Variants in RAP1GDS1 observed in about 807,000 individuals in gnomAD.
RAP1GDS1 encodes the protein RAP1, GTP-GDP dissociation stimulator 1.
In RAP1GDS1, 35 loss-of-function variants were observed where a neutral mutation model predicts 71.1. The observed-to-expected ratio is 0.49, with a 90% CI of 0.38 to 0.65. The LOEUF (loss-of-function observed/expected upper bound fraction) is 0.65. Ranked by LOEUF, RAP1GDS1 falls within the 30% of genes least tolerant of loss-of-function variation. The pLI, the probability that RAP1GDS1 is intolerant of heterozygous loss-of-function variation, is 0.00. For missense variants in RAP1GDS1, 663 were observed against 706.1 expected (o/e 0.94, Z 0.69); for synonymous variants, 229 against 243.1 (o/e 0.94, Z 0.54).
rs986936945 is a variant in RAP1GDS1 at position 98,442,048 on chromosome 4, C to G, written c.1755C>G (p.Arg585=). 18 of 1,614,006 alleles carry G rather than the reference C, an allele frequency of 1.1e-5. No homozygotes were observed. The highest frequency in any genetic ancestry group is 1.5e-5 in the Non-Finnish European group (18 of 1,179,994). The change falls in exon 15 of 15, where the codon CGC becomes CGG. Residue 585 remains arginine (R), a synonymous_variant. Coordinates refer to ENST00000408927, the MANE Select transcript of RAP1GDS1 (RefSeq NM_001100427.2). ...LAFLDVVSKL[R]SHENKSVAQQ... ...TTCTAGATGTCGTATCCAAACTTCG[C>G]AGTCATGAGAACAAAAGTGTTGCCC...
chr4:98,272,744 C>T (rs1337339542), intron 1 of RAP1GDS1, among the ~76,000 whole-genome samples: 1 of 152,062 alleles, frequency 6.6e-6, no homozygotes, highest in South Asian at 2.1e-4. Context: ...TTTGGAGCTT[C>T]TTGGTCCAAT....
intron 1 of RAP1GDS1, among the ~76,000 whole-genome samples, chr4:98,286,886 T>TAAAA (rs778410316): frequency 3.4e-4 from 31 of 89,946 alleles, no homozygotes; most frequent in East Asian, 6.4e-4. Flanking sequence ...AACTCCGTCT[T>TAAAA]AAAAAAAAAA....
intron 6 of RAP1GDS1, among the ~76,000 whole-genome samples, chr4:98,403,097 G>A (rs773032004): frequency 6.6e-6 from 1 of 151,996 alleles, no homozygotes; most frequent in African/African-American, 2.4e-5. Flanking sequence ...GCTTTCTCAC[G>A]ACACTGCTGG....
intron 2 of RAP1GDS1, among the ~76,000 whole-genome samples, chr4:98,335,424 G>A (rs1036986877): frequency 6.6e-5 from 10 of 152,068 alleles, no homozygotes; most frequent in South Asian, 2.1e-4. Context: ...TTATGCATGA[G>A]AACACTCTCT....
At chr4:98,357,947 A>G (rs1366341462) in intron 4 of RAP1GDS1, among the ~76,000 whole-genome samples, 1 of 151,996 alleles carries the variant, frequency 6.6e-6, no homozygotes. Context: ...ACAATAACAT[A>G]CAAAAGGTAT....
At chr4:98,306,814 A>G (rs367688135) in intron 2 of RAP1GDS1, among the ~76,000 whole-genome samples, 1 of 152,146 alleles carries the variant, frequency 6.6e-6, no homozygotes, top group African/African-American at 2.4e-5. Context: ...TTGAAAGTCC[A>G]AGTGGGTTCT....
In RAP1GDS1 at chr4:98,443,512, CAGT is replaced by C. The variant is rs1334881048; in HGVS notation, c.*1398_*1400del. On this transcript the variant is annotated 3_prime_UTR_variant, in exon 15 of 15. Transcript: ENST00000408927. ...GCTTCGATATAGAAGGACTGCAAGACAGTAGAAAGGGCTGCCACGGAGGTGACA... is the reference window on the plus strand; with the variant it reads ...GCTTCGATATAGAAGGACTGCAAGACAGAAAGGGCTGCCACGGAGGTGACA... The C allele has an allele frequency of 5.3e-5, 12 of 228,564 alleles. No homozygotes were observed. The highest frequency in any genetic ancestry group is 2.7e-4 in the African/African-American group (12 of 45,056). The allele number at this position is 228,564 out of a possible 1,614,324, so 14.2% of individuals were successfully genotyped here.
intron 6 of RAP1GDS1, among the ~76,000 whole-genome samples, chr4:98,399,196 G>T (rs908031529): frequency 6.6e-6 from 1 of 152,086 alleles, no homozygotes; most frequent in Admixed American, 6.6e-5. Context: ...CAGAACACAG[G>T]CAACGAAAGC....
At chr4:98,261,641 A>G in intron 1 of RAP1GDS1, 72 bp downstream of exon 1, 3 of 1,523,652 alleles carry the variant, frequency 2.0e-6, no homozygotes, top group South Asian at 1.2e-5. Flanking sequence ...GGTGGGAAGC[A>G]TTTCTCGCGC....
intron 3 of RAP1GDS1, among the ~76,000 whole-genome samples, chr4:98,344,151 G>A (rs553395751): frequency 1.3e-5 from 2 of 152,292 alleles, no homozygotes; most frequent in African/African-American, 4.8e-5. Context: ...TGTCATTTGT[G>A]TAGAGGTTCT....
chr4:98,380,040 A>G (rs1193917720), intron 5 of RAP1GDS1, among the ~76,000 whole-genome samples: 1 of 149,840 alleles, frequency 6.7e-6, no homozygotes, highest in Non-Finnish European at 1.5e-5. Flanking sequence ...ATTTTTTTTC[A>G]CATTTTATAG....
At chr4:98,321,555 A>G (rs1731897243) in intron 2 of RAP1GDS1, among the ~76,000 whole-genome samples, 2 of 150,936 alleles carry the variant, frequency 1.3e-5, no homozygotes, top group African/African-American at 2.4e-5. Context: ...GAAGCCCATC[A>G]GACTAACAGC....
At chr4:98,423,854 C>G (rs990783848) in intron 12 of RAP1GDS1, among the ~76,000 whole-genome samples, 53 of 152,022 alleles carry the variant, frequency 3.5e-4, no homozygotes, top group Non-Finnish European at 2.4e-4. Context: ...ATTTAGTTTT[C>G]ATTTAGAAAG....
intron 2 of RAP1GDS1, among the ~76,000 whole-genome samples, chr4:98,313,813 C>T (rs892595457): frequency 1.3e-5 from 2 of 152,116 alleles, no homozygotes; most frequent in African/African-American, 4.8e-5. Context: ...TGCCACTGCA[C>T]TCCATCCTGA....
intron 7 of RAP1GDS1, chr4:98,409,531 T>G (rs1189813197): frequency 6.1e-6 from 1 of 164,234 alleles, no homozygotes; most frequent in Non-Finnish European, 1.3e-5. Context: ...AGGGCAAGAT[T>G]GTTGCCAAAA....
At chr4:98,409,792 G>T in intron 7 of RAP1GDS1, 1 of 377,946 alleles carries the variant, frequency 2.6e-6, no homozygotes, top group South Asian at 2.3e-5. Flanking sequence ...AAGGCTTCTA[G>T]ACTATTAAAA....
At chr4:98,439,595 T>G (rs1358956490) in intron 14 of RAP1GDS1, among the ~76,000 whole-genome samples, 21 of 152,184 alleles carry the variant, frequency 1.4e-4, no homozygotes, top group Non-Finnish European at 7.3e-5. Flanking sequence ...GTTTTGTTCT[T>G]TTTTACCCAC....
chr4:98,312,925 C>T (rs1023727475), intron 2 of RAP1GDS1, among the ~76,000 whole-genome samples: 3 of 151,224 alleles, frequency 2.0e-5, no homozygotes, highest in South Asian at 2.1e-4. Context: ...AAAAATTAGT[C>T]GGGCGAGGTG....
chr4:98,330,802 T>A (rs953789239), intron 2 of RAP1GDS1, among the ~76,000 whole-genome samples: 1 of 150,032 alleles, frequency 6.7e-6, no homozygotes, highest in African/African-American at 2.5e-5. Flanking sequence ...GAAGCGCTCC[T>A]CACTTCCCAG....
Sources: allele counts gnomAD v4.1 joint callset (sites outside exome capture counted in the v4.1 genomes callset), GRCh38; gene constraint gnomAD v4.1.1; transcripts MANE v1.5; gene names NCBI Gene and HGNC (gene_info 2026-07-23, HGNC 2026-07-21).